The following LRRC37A2 variants were observed in gnomAD, a reference collection of about 807,000 sequenced individuals.
LRRC37A2 encodes leucine-rich repeat-containing protein 37A2.
Under a neutral mutation model 68.8 loss-of-function variants are expected in LRRC37A2, and 9 were observed. The ratio of observed to expected loss-of-function variants is 0.13; its 90% CI spans 0.08 to 0.23. The LOEUF (loss-of-function observed/expected upper bound fraction) is 0.23. Ranked by LOEUF, LRRC37A2 falls within the 10% of genes least tolerant of loss-of-function variation. The pLI is 1.00. For synonymous variants in LRRC37A2, 63 were observed against 367.6 expected (o/e 0.17, Z 9.48); for missense variants, 168 against 950.4 (o/e 0.18, Z 10.82).
the LRRC37A2 span, among the ~76,000 whole-genome samples, chr17:46,792,926 G>A: frequency 9.2e-4 from 140 of 152,030 alleles, no homozygotes; most frequent in African/African-American, 3.1e-3. Context: ...CAAGTGACTC[G>A]TCTAAAGTCA....
the LRRC37A2 span, chr17:46,933,742 G>A: frequency 6.6e-6 from 1 of 151,670 alleles, no homozygotes; most frequent in African/African-American, 2.4e-5. Context: ...GGAGACCAAG[G>A]CAGTGGATTG....
the LRRC37A2 span, among the ~76,000 whole-genome samples, chr17:47,000,442 T>G: frequency 6.6e-6 from 1 of 151,772 alleles, no homozygotes; most frequent in African/African-American, 2.4e-5. Context: ...GCCATGTTGG[T>G]CAGGCTGGTC....
the LRRC37A2 span, among the ~76,000 whole-genome samples, chr17:46,695,380 TA>T: frequency 2.4e-5 from 2 of 82,392 alleles, no homozygotes; most frequent in Non-Finnish European, 4.3e-5. Context: ...GACATAAAGA[TA>T]ATTGTGAACT....
chr17:46,439,284 T>A, the LRRC37A2 span, among the ~76,000 whole-genome samples: 1 of 98,634 alleles, frequency 1.0e-5, no homozygotes, highest in Non-Finnish European at 2.1e-5. Context: ...ATAAGAAGAA[T>A]AAAACAATCA....
At chr17:46,873,988 C>CA in the LRRC37A2 span, among the ~76,000 whole-genome samples, 2,040 of 69,492 alleles carry the variant, frequency 0.029, 16 homozygotes, top group African/African-American at 0.036. Context: ...GACTCTGTCT[C>CA]AAAAAAAAAA....
At chr17:46,752,442 C>G in the LRRC37A2 span, among the ~76,000 whole-genome samples, 1 of 152,024 alleles carries the variant, frequency 6.6e-6, no homozygotes, top group Admixed American at 6.6e-5. Flanking sequence ...TGAAGGTGCT[C>G]AGTAAACTTT....
the LRRC37A2 span, among the ~76,000 whole-genome samples, chr17:46,925,291 G>A: frequency 6.6e-6 from 1 of 152,160 alleles, no homozygotes; most frequent in African/African-American, 2.4e-5. Context: ...ACAAGCAGTG[G>A]GCCAGCTTTG....
chr17:46,962,185 C>T, the LRRC37A2 span, among the ~76,000 whole-genome samples: 63 of 152,030 alleles, frequency 4.1e-4, no homozygotes, highest in South Asian at 0.012. Flanking sequence ...AAAAATTAGC[C>T]GGGCGTGATG....
At chr17:46,455,741 C>G in the LRRC37A2 span, among the ~76,000 whole-genome samples, 1 of 149,292 alleles carries the variant, frequency 6.7e-6, no homozygotes, top group Non-Finnish European at 1.5e-5. Flanking sequence ...ACCTGATAAT[C>G]TATTATTTCA....
chr17:46,889,714 T>C, the LRRC37A2 span, among the ~76,000 whole-genome samples: 1 of 152,138 alleles, frequency 6.6e-6, no homozygotes, highest in Non-Finnish European at 1.5e-5. Flanking sequence ...CCCTTGTTTA[T>C]TCTGAAAGTG....
the LRRC37A2 span, among the ~76,000 whole-genome samples, chr17:46,893,062 T>C: frequency 2.6e-5 from 4 of 152,068 alleles, no homozygotes; most frequent in Non-Finnish European, 5.9e-5. Flanking sequence ...GCCTCCTGGG[T>C]AGCCGGGATT....
chr17:46,842,417 C>T, the LRRC37A2 span, among the ~76,000 whole-genome samples: 1 of 152,182 alleles, frequency 6.6e-6, no homozygotes, highest in African/African-American at 2.4e-5. Context: ...CTCTGTCGCC[C>T]AGGCTGGAGT....
the LRRC37A2 span, among the ~76,000 whole-genome samples, chr17:46,794,010 G>A: frequency 1.3e-5 from 2 of 152,158 alleles, no homozygotes; most frequent in African/African-American, 2.4e-5. Flanking sequence ...AACTAGGCAC[G>A]ACGGGGACAT....
the LRRC37A2 span, among the ~76,000 whole-genome samples, chr17:46,801,207 T>G: frequency 1.3e-5 from 2 of 152,192 alleles, no homozygotes; most frequent in South Asian, 2.1e-4. Flanking sequence ...CAGGCCCATG[T>G]GCTTACCCAT....
chr17:46,720,037 T>C, the LRRC37A2 span, among the ~76,000 whole-genome samples: 1 of 152,244 alleles, frequency 6.6e-6, no homozygotes, highest in African/African-American at 2.4e-5. Context: ...AATTGTAGTC[T>C]GCACAGAACA....
At chr17:46,610,867 TCAA>T in the LRRC37A2 span, among the ~76,000 whole-genome samples, 3 of 124,104 alleles carry the variant, frequency 2.4e-5, no homozygotes, top group Non-Finnish European at 4.6e-5. Flanking sequence ...CCACTCCTAT[TCAA>T]CACTCTATTG....
chr17:46,923,083 C>G, the LRRC37A2 span: 1 of 780,738 alleles, frequency 1.3e-6, no homozygotes, highest in South Asian at 1.5e-5. Flanking sequence ...CAGCCCTGGC[C>G]GGCAGGGGAG....
intron 9 of LRRC37A2, 32 bp from the exon 9 acceptor site, chr17:46,548,280 C>T (rs1287721879): frequency 2.5e-6 from 1 of 401,572 alleles, no homozygotes; most frequent in East Asian, 4.4e-5. Context: ...CATCATCTTT[C>T]ATGATCAAAG....
At chr17:46,694,422 T>A in the LRRC37A2 span, 1 of 985,294 alleles carries the variant, frequency 1.0e-6, no homozygotes, top group South Asian at 1.4e-5. Context: ...TAATCTCCTC[T>A]GATGGTGCTT....
Sources: gnomAD v4.1 joint callset for allele counts (sites outside exome capture counted in the v4.1 genomes callset) on GRCh38, gnomAD v4.1.1 for gene constraint, MANE v1.5 for transcripts, NCBI Gene and HGNC (gene_info 2026-07-23, HGNC 2026-07-21) for gene names.